Variants in RAPGEF2 observed in about 807,000 individuals in gnomAD.
The protein encoded by RAPGEF2 is Rap guanine nucleotide exchange factor 2.
RAPGEF2 carries 54 observed loss-of-function variants against 186.7 expected under a neutral mutation model. That is an observed-to-expected ratio of 0.29 (90% CI 0.23 to 0.36). RAPGEF2 has a LOEUF of 0.36. RAPGEF2 is among the 10% of genes least tolerant of loss of function. The probability of loss-of-function intolerance (pLI) is 1.00; values close to 1 mark genes in which losing one functional copy is unlikely to be tolerated. For missense variants in RAPGEF2, 1,532 were observed against 2,045.0 expected, an observed-to-expected ratio of 0.75 and a Z score of 4.84; for synonymous variants, 712 against 705.9, an observed-to-expected ratio of 1.01 and a Z score of -0.14.
intron 1 of RAPGEF2, among the ~76,000 whole-genome samples, chr4:159,164,731 T>C (rs1267963830): frequency 6.6e-6 from 1 of 152,172 alleles, no homozygotes; most frequent in Non-Finnish European, 1.5e-5. Context: ...GAAACTGATA[T>C]TTTGGTTTGA....
At chr4:159,354,825 G>T (rs1731721010) in intron 28 of RAPGEF2, among the ~76,000 whole-genome samples, 1 of 152,170 alleles carries the variant, frequency 6.6e-6, no homozygotes, top group South Asian at 2.1e-4. Context: ...TGTTAGAAGA[G>T]GCTCTCATGC....
intron 1 of RAPGEF2, among the ~76,000 whole-genome samples, chr4:159,166,006 G>A (rs1425014071): frequency 6.6e-6 from 1 of 152,170 alleles, no homozygotes; most frequent in Admixed American, 6.5e-5. Context: ...CTAGTCAAAA[G>A]TGGATTAGTG....
intron 1 of RAPGEF2, among the ~76,000 whole-genome samples, chr4:159,175,752 G>A (rs1367413458): frequency 4.6e-5 from 7 of 152,158 alleles, no homozygotes; most frequent in African/African-American, 1.7e-4. Context: ...AGCCTGTATA[G>A]GTGTGAGTTT....
At chr4:159,224,408 A>G (rs1278408950) in intron 4 of RAPGEF2, among the ~76,000 whole-genome samples, 3 of 152,212 alleles carry the variant, frequency 2.0e-5, no homozygotes, top group Admixed American at 2.0e-4. Context: ...TGCTTGTGGG[A>G]CAGTATATAG....
chr4:159,231,643 CA>C (rs2111438856), intron 4 of RAPGEF2, among the ~76,000 whole-genome samples: 1 of 151,878 alleles, frequency 6.6e-6, no homozygotes, highest in East Asian at 1.9e-4. Context: ...ATCCTTAATC[CA>C]AAAATTTCAA....
intron 4 of RAPGEF2, among the ~76,000 whole-genome samples, chr4:159,217,066 T>A (rs555274280): frequency 6.6e-6 from 1 of 151,928 alleles, no homozygotes; most frequent in African/African-American, 2.4e-5. Flanking sequence ...GCTTGCAAGG[T>A]TTTTTTTAGT....
chr4:159,295,768 C>T (rs534702761), intron 7 of RAPGEF2, among the ~76,000 whole-genome samples: 8 of 149,384 alleles, frequency 5.4e-5, no homozygotes, highest in South Asian at 2.1e-4. Context: ...CGCGCGCGCG[C>T]GCGCGCATGC....
At position 159,236,871 on chromosome 4, in the gene RAPGEF2, G is replaced by A. The variant is rs574633346; in HGVS notation, c.282-1938G>A. Among the ~76,000 whole-genome samples the A allele has an allele frequency of 4.1e-4, 63 of 152,274 alleles. No individual in the cohort carries two copies. In the South Asian group the frequency reaches 0.011, roughly 26 times the overall value. Reference sequence around the variant, plus strand: ...TTGCATGAGAAGTAACATGAAGATAGATTTATTATGTTGTTCCTGGCAAAT... The same window carrying A: ...TTGCATGAGAAGTAACATGAAGATAAATTTATTATGTTGTTCCTGGCAAAT... On this transcript the variant is annotated intron_variant, in intron 4 of 29. Coordinates refer to ENST00000691494, the MANE Select transcript of RAPGEF2 (RefSeq NM_001394067.2).
intron 7 of RAPGEF2, among the ~76,000 whole-genome samples, chr4:159,295,736 TGTGTGTGTGTGTGTGTGTGCGC>T (rs1204995404): frequency 5.3e-5 from 7 of 132,870 alleles, no homozygotes; most frequent in African/African-American, 1.4e-4. Flanking sequence ...TGTGTGTGTG[TGTGTGTGTGTGTGTGTGTGCGC>T]GCGCGCGCGC....
At chr4:159,239,191 CTT>C (rs1753648878) in intron 5 of RAPGEF2, among the ~76,000 whole-genome samples, 1 of 152,010 alleles carries the variant, frequency 6.6e-6, no homozygotes, top group African/African-American at 2.4e-5. Flanking sequence ...GGGAGAATCT[CTT>C]GATTGCAGGA....
At chr4:159,143,612 CT>C (rs201171591) in intron 1 of RAPGEF2, among the ~76,000 whole-genome samples, 1 of 151,238 alleles carries the variant, frequency 6.6e-6, no homozygotes, top group South Asian at 2.1e-4. Flanking sequence ...GTAATTTTTT[CT>C]TTTTTTTTAA....
intron 1 of RAPGEF2, among the ~76,000 whole-genome samples, chr4:159,156,306 G>A (rs1561022016): frequency 1.3e-5 from 2 of 152,064 alleles, no homozygotes; most frequent in South Asian, 2.1e-4. Flanking sequence ...TTACTGCTGC[G>A]TGTTGTTAAC....
At chr4:159,317,411 TCAGCAAGTGAA>T (rs937434793) in intron 9 of RAPGEF2, among the ~76,000 whole-genome samples, 2 of 152,144 alleles carry the variant, frequency 1.3e-5, no homozygotes, top group Non-Finnish European at 2.9e-5. Flanking sequence ...AGACGCGTGA[TCAGCAAGTGAA>T]CAAATAAACC....
intron 3 of RAPGEF2, among the ~76,000 whole-genome samples, chr4:159,209,899 A>T (rs1750354628): frequency 6.6e-6 from 1 of 152,240 alleles, no homozygotes; most frequent in Admixed American, 6.5e-5. Flanking sequence ...AATATGGCAC[A>T]TCCATACATG....
At chr4:159,212,601 A>T (rs1267939633) in intron 4 of RAPGEF2, among the ~76,000 whole-genome samples, 2 of 152,160 alleles carry the variant, frequency 1.3e-5, no homozygotes, top group Non-Finnish European at 2.9e-5. Context: ...TTCAAAAAAG[A>T]TTTACTCTTT....
At chr4:159,146,032 C>CTTT (rs796872300) in intron 1 of RAPGEF2, among the ~76,000 whole-genome samples, 2 of 150,028 alleles carry the variant, frequency 1.3e-5, no homozygotes, top group Non-Finnish European at 3.0e-5. Flanking sequence ...GTAACAGTAT[C>CTTT]TTTTTTTTTT....
At chr4:159,155,100 A>G (rs985719859) in intron 1 of RAPGEF2, among the ~76,000 whole-genome samples, 13 of 152,168 alleles carry the variant, frequency 8.5e-5, no homozygotes, top group African/African-American at 2.4e-4. Flanking sequence ...TATAGTGTAA[A>G]TCTCCCCAGA....
intron 7 of RAPGEF2, chr4:159,267,889 T>G: frequency 8.6e-7 from 1 of 1,157,978 alleles, no homozygotes; most frequent in South Asian, 3.8e-5. Flanking sequence ...GTGTGAGGTT[T>G]TCTCAGTCTT....
chr4:159,236,005 CT>C (rs1753216003), intron 4 of RAPGEF2, among the ~76,000 whole-genome samples: 2 of 152,202 alleles, frequency 1.3e-5, no homozygotes, highest in Non-Finnish European at 2.9e-5. Context: ...TCCTTTGAGG[CT>C]GCTCTTCCTT....
Sources: allele counts gnomAD v4.1 joint callset (sites outside exome capture counted in the v4.1 genomes callset), GRCh38; gene constraint gnomAD v4.1.1; transcripts MANE v1.5; gene names NCBI Gene and HGNC (gene_info 2026-07-23, HGNC 2026-07-21).